LAMA2: variants seen among roughly 807,000 people sequenced by gnomAD.
LAMA2 encodes laminin subunit alpha 2.
Under a neutral mutation model 364.8 loss-of-function variants are expected in LAMA2, and 269 were observed. That is an observed-to-expected ratio of 0.74 (90% CI 0.67 to 0.82). The LOEUF is 0.82. LAMA2 is among the 40% of genes least tolerant of loss of function. LAMA2 has a pLI of 0.00. For missense variants in LAMA2, 3,807 were observed against 3,873.2 expected, an observed-to-expected ratio of 0.98 and a Z score of 0.45; for synonymous variants, 1,379 against 1,370.6, an observed-to-expected ratio of 1.01 and a Z score of -0.14.
chr6:129,017,626 T>C (rs1192053142), intron 1 of LAMA2, among the ~76,000 whole-genome samples: 1 of 152,070 alleles, frequency 6.6e-6, no homozygotes, highest in Non-Finnish European at 1.5e-5. Context: ...GTGATACTAA[T>C]TACTGCCATT....
intron 10 of LAMA2, among the ~76,000 whole-genome samples, chr6:129,187,260 T>C (rs1009882514): frequency 1.3e-5 from 2 of 151,620 alleles, no homozygotes; most frequent in African/African-American, 4.8e-5. Context: ...ATAGAAAGAA[T>C]TGGAACTAGA....
At chr6:129,295,344 G>A (rs139912937) in intron 20 of LAMA2, among the ~76,000 whole-genome samples, 14 of 152,170 alleles carry the variant, frequency 9.2e-5, no homozygotes, top group African/African-American at 2.9e-4. Context: ...TTATTACCCC[G>A]AGAGAGACAC....
chr6:129,462,401 A>G (rs757092644), intron 49 of LAMA2, among the ~76,000 whole-genome samples: 6 of 151,514 alleles, frequency 4.0e-5, no homozygotes, highest in Non-Finnish European at 8.8e-5. Flanking sequence ...TTAGCCAAGC[A>G]CTCTATCTCG....
chr6:129,098,239 G>A lies in LAMA2; in HGVS notation c.463G>A (p.Glu155Lys), dbSNP rs756045943. Reference protein sequence around the residue: ...NSPRPGNWILERSLDDVEYKP... With the variant: ...NSPRPGNWILKRSLDDVEYKP... Reference sequence around the variant, plus strand: ...CCCCCGGCCTGGAAACTGGATTTTGGAACGCTCTCTTGATGATGTTGAATA... The same window carrying A: ...CCCCCGGCCTGGAAACTGGATTTTGAAACGCTCTCTTGATGATGTTGAATA... Residue 155 changes from glutamate (E) to lysine (K), a missense_variant, in exon 4 of 65, where the codon GAA (glutamate) becomes AAA (lysine). Glu to Lys is a moderately conservative substitution (Grantham distance 56). Coordinates refer to ENST00000421865, the MANE Select transcript of LAMA2 (RefSeq NM_000426.4). The A allele has an allele frequency of 1.2e-6, 2 of 1,614,074 alleles. No homozygotes were observed. Among genetic ancestry groups the A allele is most frequent in the East Asian group, 2.2e-5 (1 of 44,874 alleles).
intron 1 of LAMA2, among the ~76,000 whole-genome samples, chr6:128,997,357 C>A (rs150222530): frequency 0.012 from 1,716 of 143,582 alleles, 9 homozygotes; most frequent in Non-Finnish European, 0.014. Flanking sequence ...AAAGAAAGAA[C>A]GAAAGAAAGA....
chr6:129,502,529 A>G (rs1785727102), intron 58 of LAMA2, 130 bp from the exon 59 acceptor site: 1 of 701,100 alleles, frequency 1.4e-6, no homozygotes, highest in Admixed American at 2.1e-5. Context: ...GCAGTAGACT[A>G]CAGAGATGAA....
intron 41 of LAMA2, among the ~76,000 whole-genome samples, chr6:129,436,421 T>C (rs1781834846): frequency 6.6e-6 from 1 of 152,174 alleles, no homozygotes; most frequent in Non-Finnish European, 1.5e-5. Context: ...TTTTTATAGA[T>C]TGCACCTGTA....
At chr6:129,082,681 T>G (rs977173546) in intron 3 of LAMA2, among the ~76,000 whole-genome samples, 4 of 152,170 alleles carry the variant, frequency 2.6e-5, no homozygotes, top group Admixed American at 2.6e-4. Flanking sequence ...CCTCTCTGGA[T>G]ATTGAATATC....
chr6:129,378,909 A>G lies in LAMA2; in HGVS notation c.4960-4213A>G, dbSNP rs201036337. 2.0e-5 allele frequency among the ~76,000 whole-genome samples: 3 copies of G among 152,324 alleles called. No homozygotes were observed. In the East Asian group the frequency reaches 5.8e-4, roughly 29 times the overall value. On this transcript the variant is annotated intron_variant, in intron 34 of 64. Transcript: ENST00000421865. Reference sequence around the variant, plus strand: ...GCTGTAAGCCTTTGCAAACATGTATATAAATTTGGCATAACTATTCACAAT... The same window carrying G: ...GCTGTAAGCCTTTGCAAACATGTATGTAAATTTGGCATAACTATTCACAAT...
At chr6:129,275,365 T>C (rs1788234320) in intron 17 of LAMA2, among the ~76,000 whole-genome samples, 1 of 152,032 alleles carries the variant, frequency 6.6e-6, no homozygotes, top group Non-Finnish European at 1.5e-5. Flanking sequence ...TTGATAGTGA[T>C]TATACAGCTT....
intron 34 of LAMA2, among the ~76,000 whole-genome samples, chr6:129,382,021 G>A (rs1778718634): frequency 6.6e-6 from 1 of 152,144 alleles, no homozygotes; most frequent in Non-Finnish European, 1.5e-5. Flanking sequence ...GTGCTGGCCA[G>A]ACATTTAGTT....
At chr6:128,948,257 G>A (rs1211305416) in intron 1 of LAMA2, among the ~76,000 whole-genome samples, 3 of 152,120 alleles carry the variant, frequency 2.0e-5, no homozygotes, top group Admixed American at 6.6e-5. Context: ...TGAAATTTCA[G>A]TGCTATAAAC....
intron 54 of LAMA2, among the ~76,000 whole-genome samples, chr6:129,480,817 C>T (rs910159214): frequency 2.0e-5 from 3 of 152,094 alleles, no homozygotes; most frequent in Admixed American, 6.6e-5. Context: ...AATGGTCATA[C>T]CCATCTGTAA....
intron 22 of LAMA2, among the ~76,000 whole-genome samples, chr6:129,311,460 C>T (rs1774227042): frequency 6.6e-6 from 1 of 152,106 alleles, no homozygotes. Flanking sequence ...TGTGGTGGGC[C>T]GCCATTATGG....
intron 1 of LAMA2, among the ~76,000 whole-genome samples, chr6:129,018,527 TG>T (rs1554349275): frequency 6.6e-6 from 1 of 150,610 alleles, no homozygotes; most frequent in Non-Finnish European, 1.5e-5. Flanking sequence ...TTAAGAAACT[TG>T]AGATTTAAAA....
At chr6:129,132,777 A>G (rs1453364648) in intron 4 of LAMA2, among the ~76,000 whole-genome samples, 1 of 152,196 alleles carries the variant, frequency 6.6e-6, no homozygotes, top group Admixed American at 6.5e-5. Context: ...TGTGTGCTAG[A>G]TATTGTTCTA....
chr6:129,133,819 C>A (rs975040680), intron 4 of LAMA2, among the ~76,000 whole-genome samples: 2 of 152,136 alleles, frequency 1.3e-5, no homozygotes, highest in East Asian at 1.9e-4. Context: ...ATTTATACAG[C>A]TTTTCATTTG....
chr6:129,364,972 A>T (rs1245092675), intron 32 of LAMA2, among the ~76,000 whole-genome samples: 2 of 152,186 alleles, frequency 1.3e-5, no homozygotes, highest in Non-Finnish European at 2.9e-5. Context: ...ACCAGGTCTT[A>T]TGAGAACTCT....
chr6:129,483,066 CGA>C lies in LAMA2; in HGVS notation c.7749+1628_7749+1629del, dbSNP rs546911324. ...TGCGCGACAATGTGAGACTCCGACT[CGA>C]AAAAAAAAAAAAAAGAAAAAGAAAA... On this transcript the variant is annotated intron_variant, in intron 55 of 64. Coordinates refer to ENST00000421865, the MANE Select transcript of LAMA2 (RefSeq NM_000426.4). 2.3e-3 allele frequency among the ~76,000 whole-genome samples: 129 copies of C among 55,636 alleles called. 1 individual carries two copies. Among genetic ancestry groups the C allele is most frequent in the African/African-American group, 9.3e-3 (80 of 8,622 alleles). 36.5% of individuals were successfully genotyped at this position (55,636 alleles called of 152,430 possible).
Sources: gnomAD v4.1 joint callset for allele counts (sites outside exome capture counted in the v4.1 genomes callset) on GRCh38, gnomAD v4.1.1 for gene constraint, MANE v1.5 for transcripts, NCBI Gene and HGNC (gene_info 2026-07-23, HGNC 2026-07-21) for gene names.